Variants in NRG1 observed in about 807,000 individuals in gnomAD.
The protein encoded by NRG1 is neuregulin 1.
Under a neutral mutation model 63.8 loss-of-function variants are expected in NRG1, and 18 were observed. That is an observed-to-expected ratio of 0.28 (90% CI 0.19 to 0.42). The LOEUF (loss-of-function observed/expected upper bound fraction) is 0.42. NRG1 is among the 10% of genes least tolerant of loss of function. The pLI, the probability that NRG1 is intolerant of heterozygous loss-of-function variation, is 1.00. For synonymous variants in NRG1, 302 were observed against 301.3 expected, an observed-to-expected ratio of 1.00 and a Z score of -0.02; for missense variants, 762 against 814.7, an observed-to-expected ratio of 0.94 and a Z score of 0.79.
intron 1 of NRG1, among the ~76,000 whole-genome samples, chr8:32,352,179 T>C (rs571074035): frequency 6.7e-5 from 10 of 148,436 alleles, no homozygotes; most frequent in South Asian, 6.4e-4. Context: ...ACTTGGTGTA[T>C]GCAGTGTGTG....
chr8:32,140,738 C>G (rs910169379), intron 1 of NRG1, among the ~76,000 whole-genome samples: 10 of 152,180 alleles, frequency 6.6e-5, no homozygotes, highest in African/African-American at 2.4e-4. Flanking sequence ...GCAGGGATTA[C>G]AGACATGAGC....
At chr8:31,743,735 A>G (rs1162173302) in intron 1 of NRG1, among the ~76,000 whole-genome samples, 7 of 152,006 alleles carry the variant, frequency 4.6e-5, no homozygotes, top group Admixed American at 4.6e-4. Flanking sequence ...TTAAAGCTCC[A>G]GCAGATCCTT....
intron 2 of NRG1, among the ~76,000 whole-genome samples, chr8:32,603,811 C>T (rs181710281): frequency 7.4e-4 from 113 of 152,268 alleles, no homozygotes; most frequent in Non-Finnish European, 1.4e-3. Flanking sequence ...TTGGTTTGAC[C>T]ACCACTGCCC....
chr8:32,580,367 G>T (rs192286758), intron 1 of NRG1, among the ~76,000 whole-genome samples: 1 of 151,976 alleles, frequency 6.6e-6, no homozygotes, highest in South Asian at 2.1e-4. Flanking sequence ...CTCTAAGTGG[G>T]CAGTTATTTA....
intron 1 of NRG1, among the ~76,000 whole-genome samples, chr8:32,358,953 G>T (rs772779893): frequency 6.6e-6 from 1 of 152,130 alleles, no homozygotes; most frequent in African/African-American, 2.4e-5. Flanking sequence ...CAGAGGGCAG[G>T]GGTGAGGTAG....
chr8:32,315,246 C>A (rs1309443864), intron 1 of NRG1, among the ~76,000 whole-genome samples: 1 of 152,138 alleles, frequency 6.6e-6, no homozygotes, highest in Non-Finnish European at 1.5e-5. Context: ...CTGCCCACCC[C>A]CCTGACAGGT....
At chr8:32,749,715 A>G (rs1433925851) in intron 7 of NRG1, 1 of 817,532 alleles carries the variant, frequency 1.2e-6, no homozygotes, top group Non-Finnish European at 2.0e-6. Flanking sequence ...TCATACAGCT[A>G]TAACAATGAT....
Position 31,943,711 on chromosome 8 carries a change from A to C in NRG1, c.37+304280A>C, listed in dbSNP as rs181069372. On this transcript the variant is annotated intron_variant, in intron 1 of 10. Coordinates refer to the NRG1 transcript ENST00000519301. Reference sequence around the variant, plus strand: ...TACTGTGGATAAACAGAATCAAGTAATTTGTTCAGCTAACTAGATTCCATG... The same window carrying C: ...TACTGTGGATAAACAGAATCAAGTACTTTGTTCAGCTAACTAGATTCCATG... Among the ~76,000 whole-genome samples, 90 of 152,218 alleles carry C rather than the reference A, an allele frequency of 5.9e-4. 1 individual carries two copies. Among genetic ancestry groups the C allele is most frequent in the Admixed American group, 5.9e-3 (90 of 15,276 alleles).
rs542968924 is a variant in NRG1, at chr8:31,830,289, A to G, written c.37+190858A>G. Among the ~76,000 whole-genome samples, 5 of 151,524 alleles carry G rather than the reference A, an allele frequency of 3.3e-5. No individual in the cohort carries two copies. In the South Asian group the frequency reaches 1.0e-3, roughly 32 times the overall value. ...TATTGAAAATTTTTATTTTTGATGC[A>G]GTGCTCTTCTTTTTTCCTTCCTTCC... On this transcript the variant is annotated intron_variant, in intron 1 of 10. Transcript: ENST00000519301.
intron 5 of NRG1, among the ~76,000 whole-genome samples, chr8:32,683,208 T>C (rs1158746705): frequency 6.6e-6 from 1 of 152,210 alleles, no homozygotes; most frequent in Non-Finnish European, 1.5e-5. Flanking sequence ...TCAATTTTCA[T>C]GTTTATTTAT....
chr8:32,186,822 T>C (rs528253292), intron 1 of NRG1, among the ~76,000 whole-genome samples: 12 of 152,272 alleles, frequency 7.9e-5, no homozygotes, highest in Non-Finnish European at 1.3e-4. Context: ...AGTTTCTGCC[T>C]CTCCCAGCCC....
chr8:32,260,834 C>G (rs1262189797), intron 1 of NRG1, among the ~76,000 whole-genome samples: 1 of 152,158 alleles, frequency 6.6e-6, no homozygotes, highest in East Asian at 1.9e-4. Flanking sequence ...TTTGCTTGCC[C>G]TCATTGCTCT....
At chr8:32,505,538 G>A (rs1324990012) in intron 1 of NRG1, among the ~76,000 whole-genome samples, 1 of 152,068 alleles carries the variant, frequency 6.6e-6, no homozygotes. Flanking sequence ...TGGTTTAACC[G>A]GGGACCAAGA....
At chr8:32,328,423 A>G (rs1802261750) in intron 1 of NRG1, among the ~76,000 whole-genome samples, 1 of 150,204 alleles carries the variant, frequency 6.7e-6, no homozygotes. Flanking sequence ...ACTAAAATTT[A>G]ACATCTTTTT....
At chr8:32,583,423 T>C (rs996755377) in intron 1 of NRG1, among the ~76,000 whole-genome samples, 3 of 152,172 alleles carry the variant, frequency 2.0e-5, no homozygotes, top group South Asian at 2.1e-4. Flanking sequence ...CTATCAAGCT[T>C]GTGGCAAAAG....
intron 5 of NRG1, among the ~76,000 whole-genome samples, 196 bp downstream of exon 5, chr8:32,617,081 T>G (rs1438427677): frequency 6.6e-6 from 1 of 152,140 alleles, no homozygotes; most frequent in African/African-American, 2.4e-5. Context: ...GTCCTCCCAA[T>G]ATACATAAGA....
At chr8:32,549,231 C>T (rs188820018) in intron 1 of NRG1, among the ~76,000 whole-genome samples, 1 of 152,248 alleles carries the variant, frequency 6.6e-6, no homozygotes, top group African/African-American at 2.4e-5. Flanking sequence ...CGTGTGCCCT[C>T]TAGCGGGAAA....
chr8:32,153,595 G>A (rs549549855), intron 1 of NRG1, among the ~76,000 whole-genome samples: 1 of 152,296 alleles, frequency 6.6e-6, no homozygotes, highest in Non-Finnish European at 1.5e-5. Context: ...CCATATCACT[G>A]TGAATGCACC....
intron 1 of NRG1, among the ~76,000 whole-genome samples, chr8:31,990,869 A>G (rs1461197751): frequency 1.3e-5 from 2 of 152,070 alleles, no homozygotes; most frequent in Non-Finnish European, 2.9e-5. Flanking sequence ...ATGAGGAGAC[A>G]ATGTTCACAT....
Sources: allele counts gnomAD v4.1 joint callset (sites outside exome capture counted in the v4.1 genomes callset), GRCh38; gene constraint gnomAD v4.1.1; transcripts MANE v1.5; gene names NCBI Gene and HGNC (gene_info 2026-07-23, HGNC 2026-07-21).